Variants in RIMS2 observed in about 807,000 individuals in gnomAD.
RIMS2 encodes the protein regulating synaptic membrane exocytosis 2.
A neutral mutation model predicts 174.4 loss-of-function variants in RIMS2; 59 were observed. The observed-to-expected ratio is 0.34, with a 90% CI of 0.27 to 0.42. The LOEUF is 0.42. Ranked by LOEUF, RIMS2 falls within the 10% of genes least tolerant of loss-of-function variation. The pLI is 1.00. For missense variants in RIMS2, 1,620 were observed against 1,666.3 expected, an observed-to-expected ratio of 0.97 and a Z score of 0.48; for synonymous variants, 606 against 572.5, an observed-to-expected ratio of 1.06 and a Z score of -0.84.
intron 19 of RIMS2, among the ~76,000 whole-genome samples, chr8:104,051,752 C>T (rs528768480): frequency 1.3e-5 from 2 of 152,190 alleles, no homozygotes; most frequent in East Asian, 3.9e-4. Flanking sequence ...CAATCTCTGC[C>T]ACCTACTAGT....
intron 1 of RIMS2, among the ~76,000 whole-genome samples, chr8:103,622,374 T>A (rs2095656296): frequency 6.6e-6 from 1 of 152,160 alleles, no homozygotes; most frequent in South Asian, 2.1e-4. Flanking sequence ...CTAAGTGTTT[T>A]TTTAATGCAT....
chr8:104,154,163 A>G (rs74415924), intron 19 of RIMS2, among the ~76,000 whole-genome samples: 1 of 152,172 alleles, frequency 6.6e-6, no homozygotes, highest in Admixed American at 6.6e-5. Context: ...CATTCGATAG[A>G]TGGGGGGAAA....
chr8:103,918,437 TC>T lies in RIMS2; in HGVS notation c.2037-3del, dbSNP rs771342661. On this transcript the variant is annotated splice_region_variant and splice_polypyrimidine_tract_variant and intron_variant, in intron 8 of 23. Coordinates refer to ENST00000504942, the Ensembl canonical transcript of RIMS2. ...GTCTTTCTTTTTTTTTTTAATCATT[TC>T]AGAGATATACCGCGAATACCTGATA... 1 of 1,557,240 alleles carries T rather than the reference TC, an allele frequency of 6.4e-7. No homozygotes were observed. Among genetic ancestry groups the T allele is most frequent in the Admixed American group, 2.0e-5 (1 of 50,500 alleles).
At chr8:103,849,184 G>A (rs946147307) in intron 3 of RIMS2, among the ~76,000 whole-genome samples, 1 of 152,034 alleles carries the variant, frequency 6.6e-6, no homozygotes, top group African/African-American at 2.4e-5. Flanking sequence ...AGGGACCACG[G>A]ATATATTCAG....
intron 19 of RIMS2, among the ~76,000 whole-genome samples, chr8:104,190,545 G>A (rs1461967522): frequency 1.3e-5 from 2 of 151,876 alleles, no homozygotes; most frequent in African/African-American, 4.8e-5. Context: ...TGTCCTTTTT[G>A]TCTTTATGAT....
At chr8:103,559,953 TAGG>T (rs1158958266) in intron 1 of RIMS2, among the ~76,000 whole-genome samples, 1 of 152,202 alleles carries the variant, frequency 6.6e-6, no homozygotes, top group Non-Finnish European at 1.5e-5. Flanking sequence ...AGCTGAATTA[TAGG>T]AGAGGAGCTC....
intron 1 of RIMS2, among the ~76,000 whole-genome samples, chr8:103,594,603 G>A (rs10098555): frequency 4.0e-5 from 6 of 151,516 alleles, no homozygotes; most frequent in Non-Finnish European, 8.9e-5. Flanking sequence ...TATACAACAC[G>A]TAAATGGTCT....
chr8:104,104,767 C>A (rs1163369686), intron 19 of RIMS2, among the ~76,000 whole-genome samples: 1 of 151,662 alleles, frequency 6.6e-6, no homozygotes, highest in Non-Finnish European at 1.5e-5. Context: ...CTGTGGTCTG[C>A]TACTTGGGAG....
At chr8:103,661,594 C>T (rs1329192423) in intron 1 of RIMS2, among the ~76,000 whole-genome samples, 1 of 152,086 alleles carries the variant, frequency 6.6e-6, no homozygotes, top group Non-Finnish European at 1.5e-5. Context: ...ACTTCTGCCT[C>T]CCGGGTTCAA....
chr8:103,862,598 A>G (rs72681344), intron 3 of RIMS2, among the ~76,000 whole-genome samples: 27,658 of 152,046 alleles, frequency 0.18, 3,108 homozygotes, highest in South Asian at 0.34. Flanking sequence ...CCTGCAATCC[A>G]TGAGCATGGG....
chr8:103,584,287 C>T (rs1202582158), intron 1 of RIMS2, among the ~76,000 whole-genome samples: 1 of 152,032 alleles, frequency 6.6e-6, no homozygotes, highest in Non-Finnish European at 1.5e-5. Context: ...CCCAGATGAA[C>T]AAAAACTGAG....
intron 4 of RIMS2, among the ~76,000 whole-genome samples, chr8:103,903,647 T>A (rs1472973486): frequency 6.6e-6 from 1 of 152,184 alleles, no homozygotes; most frequent in African/African-American, 2.4e-5. Context: ...TATTTAAGTA[T>A]GTTTAACTTG....
chr8:104,026,284 G>T (rs1281858747), intron 19 of RIMS2, among the ~76,000 whole-genome samples: 1 of 152,196 alleles, frequency 6.6e-6, no homozygotes, highest in Non-Finnish European at 1.5e-5. Context: ...CTAGGCCAGA[G>T]AACTGTTTAA....
At chr8:103,878,865 A>T (rs2099154449) in intron 3 of RIMS2, among the ~76,000 whole-genome samples, 1 of 151,340 alleles carries the variant, frequency 6.6e-6, no homozygotes, top group Admixed American at 6.6e-5. Context: ...ATAAAATAAA[A>T]ATTAATTTAG....
At chr8:103,756,909 G>A (rs2098020432) in intron 2 of RIMS2, among the ~76,000 whole-genome samples, 4 of 151,346 alleles carry the variant, frequency 2.6e-5, no homozygotes, top group Admixed American at 2.6e-4. Flanking sequence ...TAATCAAATG[G>A]CATTGCCAAT....
At chr8:103,711,869 C>A (rs12675759) in intron 2 of RIMS2, among the ~76,000 whole-genome samples, 1 of 151,248 alleles carries the variant, frequency 6.6e-6, no homozygotes, top group Non-Finnish European at 1.5e-5. Flanking sequence ...GCACTCCAGC[C>A]TAAGCAACAG....
At chr8:104,111,482 A>G (rs2131748349) in intron 19 of RIMS2, among the ~76,000 whole-genome samples, 1 of 152,286 alleles carries the variant, frequency 6.6e-6, no homozygotes, top group South Asian at 2.1e-4. Context: ...ATCTCAGCTC[A>G]CTGCAACCTC....
At position 103,636,793 on chromosome 8, in the gene RIMS2, C is replaced by G. The variant is rs928228333; in HGVS notation, c.177-60293C>G. Among the ~76,000 whole-genome samples the G allele has an allele frequency of 9.2e-5, 5 of 54,288 alleles. 1 individual carries two copies. The highest frequency in any genetic ancestry group is 9.3e-4 in the East Asian group (1 of 1,078). 35.6% of individuals were successfully genotyped at this position (54,288 alleles called of 152,430 possible). ...TTTCTATAACCCACCCCCGCACCCC[C>G]CCCCCCCCACACACACACACATACC... On this transcript the variant is annotated intron_variant, in intron 1 of 23. Transcript: ENST00000504942.
chr8:104,069,389 T>C (rs977393313), intron 19 of RIMS2, among the ~76,000 whole-genome samples: 3 of 152,118 alleles, frequency 2.0e-5, no homozygotes, highest in African/African-American at 7.2e-5. Context: ...TATGAATCTT[T>C]TTTAACTACT....
Sources: gnomAD v4.1 joint callset for allele counts (sites outside exome capture counted in the v4.1 genomes callset) on GRCh38, gnomAD v4.1.1 for gene constraint, MANE v1.5 for transcripts, NCBI Gene and HGNC (gene_info 2026-07-23, HGNC 2026-07-21) for gene names.